ATP5F1A: variants seen among roughly 807,000 people sequenced by gnomAD.
ATP5F1A encodes the protein ATP synthase F1 subunit alpha.
Under a neutral mutation model 57.4 loss-of-function variants are expected in ATP5F1A, and 24 were observed. The observed-to-expected ratio is 0.42, with a 90% confidence interval of 0.30 to 0.59. The LOEUF (loss-of-function observed/expected upper bound fraction) is 0.59. ATP5F1A is among the 20% of genes least tolerant of loss of function. ATP5F1A has a pLI of 0.19. For missense variants in ATP5F1A, 494 were observed against 707.9 expected (o/e 0.70, Z 3.43); for synonymous variants, 251 against 255.5 (o/e 0.98, Z 0.17).
At chr18:46,100,446 T>C (rs879456033), upstream of ATP5F1A, among the ~76,000 whole-genome samples, 2 of 152,016 alleles carry the variant, frequency 1.3e-5, no homozygotes. Flanking sequence ...GGTTTTATTT[T>C]TGTAAAAGAG....
intron 1 of ATP5F1A, chr18:46,097,933 A>C: frequency 3.2e-6 from 4 of 1,257,056 alleles, no homozygotes; most frequent in Non-Finnish European, 1.0e-6. Context: ...AGGAATCTTG[A>C]GGCCCTGTCT....
chr18:46,094,958 T>C, intron 2 of ATP5F1A, 95 bp downstream of exon 2: 1 of 1,406,902 alleles, frequency 7.1e-7, no homozygotes, highest in Admixed American at 2.7e-5. Flanking sequence ...GAGAAAAAAC[T>C]AACAAATGAA....
At chr18:46,098,480 G>C (rs1229633185), upstream of ATP5F1A, 3 of 1,222,094 alleles carry the variant, frequency 2.5e-6, no homozygotes, top group Non-Finnish European at 2.1e-6. Context: ...TCCGGCTTTG[G>C]TCCTGGCATT....
rs1279744623 is a variant in ATP5F1A, at chr18:46,088,389, T to C, written c.651-132A>G. On this transcript the variant is annotated intron_variant, in intron 5 of 11. Coordinates refer to ENST00000398752, the MANE Select transcript of ATP5F1A (RefSeq NM_004046.6). ...AGACATAAGAAACTCCATTTTGTTC[T>C]GTACTAAGAAAAATTCTTCTGCCTT... is the stretch of plus-strand genomic sequence containing the variant. 4 of 844,680 alleles carry C rather than the reference T, an allele frequency of 4.7e-6. No individual in the cohort carries two copies. The African/African-American group carries it at 5.3e-5, about 11-fold the overall frequency. The allele number at this position is 844,680 out of a possible 1,614,324, so 52.3% of individuals were successfully genotyped here. A position where few individuals can be genotyped will look rare whatever the true frequency, so the allele number is the denominator to read the frequency against.
In ATP5F1A at chr18:46,088,165, G is replaced by C; in HGVS notation, c.743C>G (p.Ala248Gly). Reference sequence around the variant, plus strand: ...AACAGTGGATCTCTTTTGACCAATAGCAACATAAATACAGTACAGCTTCTT... The same window carrying C: ...AACAGTGGATCTCTTTTGACCAATACCAACATAAATACAGTACAGCTTCTT... ...EKKKLYCIYV[A>G]IGQKRSTVAQ... The change falls in exon 6 of 12, where the codon GCT (alanine) becomes GGT (glycine). Residue 248 changes from alanine to glycine, a missense_variant. This residue lies in a region of ATP5F1A where 191 missense variants were observed against 267.7 expected (regional missense o/e 0.71). Transcript: ENST00000398752. 6.2e-7 allele frequency: 1 copy of C among 1,605,096 alleles called. No homozygotes were observed. The highest frequency in any genetic ancestry group is 8.5e-7 in the Non-Finnish European group (1 of 1,178,290).
At position 46,089,868 on chromosome 18, in the gene ATP5F1A, C is replaced by A; in HGVS notation, c.438G>T (p.Leu146=). Residue 146 remains leucine, a synonymous_variant, in exon 4 of 12, where the codon CTG becomes CTT. Coordinates refer to ENST00000398752, the MANE Select transcript of ATP5F1A (RefSeq NM_004046.6). The part of the protein sequence containing the change: ...AIVDVPVGEE[L]LGRVVDALGN... ...CAAGGGCATCAACTACACGACCCAA[C>A]AGCTCCTCACCAACTGGAACGTCCA... 1 of 1,613,674 alleles carries A rather than the reference C, an allele frequency of 6.2e-7. No individual in the cohort carries two copies. Among genetic ancestry groups the A allele is most frequent in the Non-Finnish European group, 8.5e-7 (1 of 1,179,824 alleles).
At chr18:46,090,093 G>GGGGGGGC in intron 3 of ATP5F1A, 97 bp from the exon 4 acceptor site, 1 of 414,300 alleles carries the variant, frequency 2.4e-6, no homozygotes, top group Non-Finnish European at 4.3e-6. Context: ...GGTGGGGGGG[G>GGGGGGGC]AAGCAGTATT....
At chr18:46,091,540 C>T (rs1910548888) in intron 3 of ATP5F1A, 142 bp downstream of exon 3, 5 of 903,070 alleles carry the variant, frequency 5.5e-6, no homozygotes, top group Non-Finnish European at 8.0e-6. Context: ...ATTCTCTTTA[C>T]AATCTATGAT....
chr18:46,091,553 T>C (rs1052261123), intron 3 of ATP5F1A, 129 bp downstream of exon 3: 2 of 1,041,286 alleles, frequency 1.9e-6, no homozygotes, highest in African/African-American at 3.2e-5. Context: ...TCTATGATAA[T>C]AACAAGAAAA....
intron 2 of ATP5F1A, 152 bp downstream of exon 2, chr18:46,094,900 CT>C: frequency 2.5e-6 from 3 of 1,184,544 alleles, no homozygotes; most frequent in Non-Finnish European, 3.3e-6. Flanking sequence ...CATGACAGGG[CT>C]AAATGGTAAC....
intron 10 of ATP5F1A, 36 bp from the exon 11 acceptor site, chr18:46,084,690 T>G: frequency 6.6e-7 from 1 of 1,504,368 alleles, no homozygotes; most frequent in Middle Eastern, 1.8e-4. Context: ...AGTGAGTTGC[T>G]CAAAGAAATG....
chr18:46,102,446 C>T (rs1379451417), upstream of ATP5F1A, among the ~76,000 whole-genome samples: 3 of 151,968 alleles, frequency 2.0e-5, no homozygotes, highest in Non-Finnish European at 4.4e-5. Context: ...GCCTCAGCCT[C>T]CCAAGTGGCT....
intron 3 of ATP5F1A, 88 bp from the exon 4 acceptor site, chr18:46,090,084 GT>G: frequency 2.6e-6 from 2 of 779,968 alleles, no homozygotes; most frequent in Non-Finnish European, 3.7e-6. Context: ...TAGTCGGGGG[GT>G]GGGGGGGGAA....
At chr18:46,086,762 T>C in intron 8 of ATP5F1A, 1 of 602,174 alleles carries the variant, frequency 1.7e-6, no homozygotes, top group South Asian at 2.1e-5. Flanking sequence ...CAAAATTATC[T>C]AGAAGGGAGA....
Position 46,081,683 on chromosome 18 carries a change from A to AAAAAAAAAAAAAAC in ATP5F1A, c.*2598_*2599insGTTTTTTTTTTTTT, listed in dbSNP as rs1909755942. On this transcript the variant is annotated 3_prime_UTR_variant, in exon 12 of 12. Coordinates refer to ENST00000398752, the MANE Select transcript of ATP5F1A (RefSeq NM_004046.6). Reference sequence around the variant, plus strand: ...CTCAAAAAAAAAAAACAAAAAAAAAAAAAAAAAAAAAAAACGAAATGTGCA... The same window carrying AAAAAAAAAAAAAAC: ...CTCAAAAAAAAAAAACAAAAAAAAAAAAAAAAAAAAAAACAAAAAAAAAAAAAACGAAATGTGCA... The AAAAAAAAAAAAAAC allele has an allele frequency of 1.5e-5, 1 of 66,960 alleles. No individual in the cohort carries two copies. The highest frequency in any genetic ancestry group is 5.0e-5 in the African/African-American group (1 of 20,180). The allele number at this position is 66,960 out of a possible 1,614,324, so 4.1% of individuals were successfully genotyped here.
At position 46,081,556 on chromosome 18, in the gene ATP5F1A, C is replaced by A; in HGVS notation, c.*2726G>T. ...GTGCATGCCTGTAATCCCAGCTACT[C>A]AGGAGCCTGAGGCAGGAGAATTGCT... On this transcript the variant is annotated 3_prime_UTR_variant, in exon 12 of 12. Transcript: ENST00000398752. The A allele has an allele frequency of 6.6e-6, 1 of 150,410 alleles. No individual in the cohort carries two copies. The highest frequency in any genetic ancestry group is 2.0e-4 in the East Asian group (1 of 5,110). 9.3% of individuals were successfully genotyped at this position (150,410 alleles called of 1,614,324 possible). A position where few individuals can be genotyped will look rare whatever the true frequency, so the allele number is the denominator to read the frequency against.
rs8089219 is a variant in ATP5F1A, at chr18:46,085,912, C to T, written c.1429+201G>A. The T allele has an allele frequency of 0.015, 9,018 of 618,662 alleles. 579 individuals are homozygous for T. Among genetic ancestry groups the T allele is most frequent in the African/African-American group, 0.14 (7,497 of 51,866 alleles). 38.3% of individuals were successfully genotyped at this position (618,662 alleles called of 1,614,324 possible). On this transcript the variant is annotated intron_variant, in intron 10 of 11. Coordinates refer to ENST00000398752, the MANE Select transcript of ATP5F1A (RefSeq NM_004046.6). Reference sequence around the variant, plus strand: ...TGCGCCATTGCACTTCAGCCTAGGCCGTAAGAATGAAACTTCGTCTCAAAA... The same window carrying T: ...TGCGCCATTGCACTTCAGCCTAGGCTGTAAGAATGAAACTTCGTCTCAAAA...
chr18:46,087,834 C>A (rs1482955862), intron 6 of ATP5F1A: 11 of 455,694 alleles, frequency 2.4e-5, no homozygotes, highest in Middle Eastern at 6.1e-4. Flanking sequence ...GAGCTGAGAT[C>A]GTGCCATCGC....
upstream of ATP5F1A, among the ~76,000 whole-genome samples, chr18:46,102,450 A>C (rs898012131): frequency 6.6e-6 from 1 of 151,822 alleles, no homozygotes; most frequent in Non-Finnish European, 1.5e-5. Flanking sequence ...CAGCCTCCCA[A>C]GTGGCTGGGA....
Sources: gnomAD v4.1 joint callset for allele counts (sites outside exome capture counted in the v4.1 genomes callset) on GRCh38, gnomAD v4.1.1 for gene constraint, gnomAD v4.1.1 regional missense constraint, MANE v1.5 for transcripts, NCBI Gene and HGNC (gene_info 2026-07-23, HGNC 2026-07-21) for gene names.